CAPZB: variants seen among roughly 807,000 people sequenced by gnomAD.
CAPZB encodes F-actin-capping protein subunit beta.
Under a neutral mutation model 38.1 loss-of-function variants are expected in CAPZB, and 2 were observed. That is an observed-to-expected ratio of 0.05 (90% CI 0.02 to 0.17). CAPZB has a LOEUF of 0.17. CAPZB is among the 10% of genes least tolerant of loss of function. The pLI, the probability that CAPZB is intolerant of heterozygous loss-of-function variation, is 1.00. For missense variants in CAPZB, 161 were observed against 334.2 expected (o/e 0.48, Z 4.04); for synonymous variants, 107 against 127.4 (o/e 0.84, Z 1.08).
intron 2 of CAPZB, among the ~76,000 whole-genome samples, chr1:19,418,661 C>T (rs2094390216): frequency 6.6e-6 from 1 of 152,196 alleles, no homozygotes; most frequent in African/African-American, 2.4e-5. Context: ...GTTTGCATCC[C>T]TATAAATATA....
intron 1 of CAPZB, among the ~76,000 whole-genome samples, chr1:19,462,913 A>G (rs1334572043): frequency 1.3e-5 from 2 of 152,240 alleles, no homozygotes; most frequent in Non-Finnish European, 2.9e-5. Context: ...CACACTAGCC[A>G]CATTTCAAGT....
intron 1 of CAPZB, among the ~76,000 whole-genome samples, chr1:19,481,495 A>G: frequency 6.6e-6 from 1 of 152,174 alleles, no homozygotes; most frequent in East Asian, 1.9e-4. Context: ...CGGTCACTCA[A>G]GCTCTCAAGC....
At chr1:19,354,622 C>T (rs920191663) in intron 6 of CAPZB, among the ~76,000 whole-genome samples, 6 of 152,206 alleles carry the variant, frequency 3.9e-5, no homozygotes, top group Non-Finnish European at 8.8e-5. Flanking sequence ...ACTCATCAGG[C>T]CTGGGTTTAG....
chr1:19,366,682 C>A (rs570165076), intron 4 of CAPZB, among the ~76,000 whole-genome samples: 3 of 149,764 alleles, frequency 2.0e-5, no homozygotes, highest in African/African-American at 7.3e-5. Context: ...GAGCGAGACT[C>A]CATCTCAAAA....
chr1:19,394,750 A>G (rs2094256836), intron 2 of CAPZB, among the ~76,000 whole-genome samples: 2 of 152,166 alleles, frequency 1.3e-5, no homozygotes, highest in Non-Finnish European at 2.9e-5. Flanking sequence ...ACAAACAAAA[A>G]AAGTGAGCAA....
chr1:19,385,729 T>A lies in CAPZB; in HGVS notation c.94-103A>T, dbSNP rs775479259. 1.7e-5 allele frequency: 24 copies of A among 1,422,782 alleles called. No homozygotes were observed. The East Asian group carries it at 5.2e-4, about 31-fold the overall frequency. 88.1% of individuals were successfully genotyped at this position (1,422,782 alleles called of 1,614,324 possible). ...CATATTGTGGTCAGTACCTTTAACATCTGGCCCTGGGCACTGAGACAAAAT... is the reference window on the plus strand; with the variant it reads ...CATATTGTGGTCAGTACCTTTAACAACTGGCCCTGGGCACTGAGACAAAAT... On this transcript the variant is annotated intron_variant, in intron 2 of 8. Coordinates refer to ENST00000264202, the MANE Select transcript of CAPZB (RefSeq NM_004930.5).
At chr1:19,423,447 A>G (rs1478055470) in intron 1 of CAPZB, among the ~76,000 whole-genome samples, 1 of 150,774 alleles carries the variant, frequency 6.6e-6, no homozygotes, top group African/African-American at 2.4e-5. Flanking sequence ...GGAGGGGGCT[A>G]GTCCCAGGGG....
chr1:19,349,090 C>A (rs537603044), intron 6 of CAPZB, among the ~76,000 whole-genome samples: 1 of 152,274 alleles, frequency 6.6e-6, no homozygotes, highest in African/African-American at 2.4e-5. Context: ...ACTGGAGCGT[C>A]TGCTGGAACA....
At chr1:19,457,014 T>C (rs979178194) in intron 1 of CAPZB, among the ~76,000 whole-genome samples, 19 of 152,138 alleles carry the variant, frequency 1.2e-4, no homozygotes, top group Admixed American at 1.2e-3. Context: ...TCTGTGTGTG[T>C]TGGAGGGTAG....
intron 1 of CAPZB, among the ~76,000 whole-genome samples, chr1:19,442,901 C>G (rs893138946): frequency 6.6e-5 from 10 of 152,104 alleles, no homozygotes; most frequent in African/African-American, 2.4e-4. Flanking sequence ...CTCTGTGCGG[C>G]GCAAACAACC....
At chr1:19,481,105 G>A (rs541019972) in intron 1 of CAPZB, among the ~76,000 whole-genome samples, 1 of 152,156 alleles carries the variant, frequency 6.6e-6, no homozygotes, top group Admixed American at 6.5e-5. Flanking sequence ...CTATTTTCTT[G>A]TACTATGCTG....
At chr1:19,408,569 T>C (rs1241045423) in intron 2 of CAPZB, among the ~76,000 whole-genome samples, 2 of 152,212 alleles carry the variant, frequency 1.3e-5, no homozygotes, top group Non-Finnish European at 2.9e-5. Context: ...GGGCAGCTCA[T>C]AGGCCTGAGA....
intron 1 of CAPZB, among the ~76,000 whole-genome samples, chr1:19,483,608 T>C (rs2094638687): frequency 6.6e-6 from 1 of 152,218 alleles, no homozygotes; most frequent in South Asian, 2.1e-4. Context: ...TGAGGCACTT[T>C]CCCATCACCT....
chr1:19,378,498 A>T (rs1483593120), intron 4 of CAPZB, 42 bp downstream of exon 4: 2 of 1,151,716 alleles, frequency 1.7e-6, no homozygotes, highest in African/African-American at 3.0e-5. Context: ...TTACCTCTCA[A>T]AACTCACAAG....
At chr1:19,391,165 G>A (rs2094232362) in intron 2 of CAPZB, among the ~76,000 whole-genome samples, 2 of 151,766 alleles carry the variant, frequency 1.3e-5, no homozygotes, top group African/African-American at 4.9e-5. Flanking sequence ...TCGTGTTTGT[G>A]CCGCCATATG....
intron 2 of CAPZB, among the ~76,000 whole-genome samples, chr1:19,416,284 CAT>C (rs2094378847): frequency 1.3e-5 from 2 of 152,222 alleles, no homozygotes; most frequent in Admixed American, 1.3e-4. Flanking sequence ...TGACACAGCA[CAT>C]AGACACACCA....
At chr1:19,448,118 T>C (rs892926810) in intron 1 of CAPZB, among the ~76,000 whole-genome samples, 3 of 152,186 alleles carry the variant, frequency 2.0e-5, no homozygotes. Flanking sequence ...CCAGTCAACC[T>C]ATCAGCCAAC....
intron 1 of CAPZB, chr1:19,484,120 A>G (rs2094641200): frequency 6.6e-7 from 1 of 1,509,710 alleles, no homozygotes; most frequent in Non-Finnish European, 9.0e-7. Context: ...AAGTCTGGAT[A>G]GCATCTGCCT....
intron 6 of CAPZB, among the ~76,000 whole-genome samples, chr1:19,355,593 C>G (rs1020506978): frequency 1.2e-4 from 18 of 152,130 alleles, no homozygotes; most frequent in Non-Finnish European, 2.1e-4. Context: ...AAAGAGATCT[C>G]TGATGTTAAA....
Sources: allele counts gnomAD v4.1 joint callset (sites outside exome capture counted in the v4.1 genomes callset), GRCh38; gene constraint gnomAD v4.1.1; transcripts MANE v1.5; gene names NCBI Gene and HGNC (gene_info 2026-07-23, HGNC 2026-07-21).